SLC4A10: variants seen among roughly 807,000 people sequenced by gnomAD.
The protein encoded by SLC4A10 is sodium-driven chloride bicarbonate exchanger.
A neutral mutation model predicts 137.7 loss-of-function variants in SLC4A10; 42 were observed. That is an observed-to-expected ratio of 0.30 (90% CI 0.24 to 0.39). SLC4A10 has a LOEUF of 0.39. Ranked by LOEUF, SLC4A10 falls within the 10% of genes least tolerant of loss-of-function variation. SLC4A10 has a pLI of 1.00. For missense variants in SLC4A10, 925 were observed against 1,355.0 expected (o/e 0.68, Z 4.98); for synonymous variants, 474 against 464.1 (o/e 1.02, Z -0.27).
chr2:161,834,241 A>T (rs576327408), intron 3 of SLC4A10, among the ~76,000 whole-genome samples: 409 of 152,326 alleles, frequency 2.7e-3, no homozygotes, highest in African/African-American at 9.3e-3. Flanking sequence ...TTGAGTACAC[A>T]GCTTGCCAAG....
At chr2:161,817,405 G>A (rs986898701) in intron 3 of SLC4A10, among the ~76,000 whole-genome samples, 11 of 152,066 alleles carry the variant, frequency 7.2e-5, no homozygotes, top group South Asian at 2.1e-4. Context: ...AGTAGGTTGC[G>A]AAAATTTTCT....
At chr2:161,633,228 A>G (rs1193941658) in intron 1 of SLC4A10, among the ~76,000 whole-genome samples, 1 of 151,728 alleles carries the variant, frequency 6.6e-6, no homozygotes, top group Non-Finnish European at 1.5e-5. Flanking sequence ...TTGTAGGTTG[A>G]GAAGCATCCA....
chr2:161,727,885 AC>A (rs1230101718), intron 1 of SLC4A10, among the ~76,000 whole-genome samples: 2 of 152,194 alleles, frequency 1.3e-5, no homozygotes, highest in Non-Finnish European at 2.9e-5. Context: ...TAAAGAGCTC[AC>A]CAAATGCACA....
intron 3 of SLC4A10, among the ~76,000 whole-genome samples, chr2:161,827,727 G>C (rs550444829): frequency 6.6e-6 from 1 of 151,924 alleles, no homozygotes; most frequent in Non-Finnish European, 1.5e-5. Context: ...GCACCAGGCC[G>C]GCTAATTTTT....
chr2:161,795,522 T>G (rs1297222471), intron 2 of SLC4A10, among the ~76,000 whole-genome samples: 2 of 152,118 alleles, frequency 1.3e-5, no homozygotes, highest in South Asian at 4.1e-4. Context: ...CAAAGCTTCC[T>G]AATGCCTTTA....
chr2:161,942,539 A>G (rs1393717811), intron 15 of SLC4A10, among the ~76,000 whole-genome samples: 1 of 152,160 alleles, frequency 6.6e-6, no homozygotes, highest in African/African-American at 2.4e-5. Context: ...TTTGATTTAT[A>G]ATTTAGGGCC....
At chr2:161,703,423 C>A (rs926391780) in intron 1 of SLC4A10, among the ~76,000 whole-genome samples, 1 of 151,544 alleles carries the variant, frequency 6.6e-6, no homozygotes, top group Admixed American at 6.6e-5. Context: ...AGTTTACTAT[C>A]ATTTTAGGTG....
chr2:161,795,015 CA>C (rs1248813843), intron 2 of SLC4A10, among the ~76,000 whole-genome samples: 1 of 151,752 alleles, frequency 6.6e-6, no homozygotes, highest in Non-Finnish European at 1.5e-5. Flanking sequence ...CAATATAAGT[CA>C]ATTTTTATTG....
At chr2:161,839,749 T>C in intron 3 of SLC4A10, 40 bp from the exon 4 acceptor site, 1 of 1,609,126 alleles carries the variant, frequency 6.2e-7, no homozygotes, top group Non-Finnish European at 8.5e-7. Context: ...AGGGTCGTGG[T>C]AATACATGTT....
In SLC4A10 at chr2:161,679,061, AC is replaced by A. The variant is rs138415562; in HGVS notation, c.48+54496del. Among the ~76,000 whole-genome samples the A allele has an allele frequency of 7.0e-3, 1,066 of 152,220 alleles. 12 individuals carry two copies. Among genetic ancestry groups the A allele is most frequent in the African/African-American group, 0.025 (1,025 of 41,554 alleles). ...TTTTCCAAAGTGGTTTTATCAATTT[AC>A]TTTCTCACCAGTAATCTGTGAGAAT... On this transcript the variant is annotated intron_variant, in intron 1 of 26. Coordinates refer to ENST00000446997, the MANE Select transcript of SLC4A10 (RefSeq NM_001178015.2).
At chr2:161,736,469 TCA>T (rs1410787151) in intron 1 of SLC4A10, among the ~76,000 whole-genome samples, 1 of 152,184 alleles carries the variant, frequency 6.6e-6, no homozygotes, top group African/African-American at 2.4e-5. Flanking sequence ...CTTAATTGAC[TCA>T]CAGTTCTGCA....
chr2:161,830,309 T>C (rs1028176446), intron 3 of SLC4A10, among the ~76,000 whole-genome samples: 16 of 152,176 alleles, frequency 1.1e-4, no homozygotes, highest in Admixed American at 1.3e-4. Context: ...ACTAATACTA[T>C]TTCTTATACA....
At chr2:161,904,199 T>C in intron 13 of SLC4A10, 21 bp downstream of exon 13, 1 of 1,569,724 alleles carries the variant, frequency 6.4e-7, no homozygotes, top group Non-Finnish European at 8.6e-7. Context: ...TGCTTTTCTC[T>C]GAACTTTGAA....
chr2:161,942,736 C>A, intron 15 of SLC4A10, 56 bp from the exon 16 acceptor site: 1 of 1,338,142 alleles, frequency 7.5e-7, no homozygotes, highest in Non-Finnish European at 1.0e-6. Flanking sequence ...CATTAGTCTT[C>A]GGTACAGTCA....
chr2:161,902,259 A>G (rs949138939), intron 12 of SLC4A10: 1 of 233,470 alleles, frequency 4.3e-6, no homozygotes, highest in Non-Finnish European at 8.7e-6. Context: ...TGTATGCTCT[A>G]ATAAGTAATT....
chr2:161,792,294 A>T (rs761728118), intron 2 of SLC4A10, among the ~76,000 whole-genome samples: 26 of 152,170 alleles, frequency 1.7e-4, no homozygotes, highest in Non-Finnish European at 2.6e-4. Flanking sequence ...TATTAAGAGG[A>T]AATTTTACAG....
At chr2:161,902,375 A>G (rs1683316461) in intron 12 of SLC4A10, among the ~76,000 whole-genome samples, 3 of 152,224 alleles carry the variant, frequency 2.0e-5, no homozygotes, top group South Asian at 2.1e-4. Flanking sequence ...TAGGTGGGAT[A>G]TAAATCATAA....
chr2:161,858,890 T>C (rs1457632327), intron 5 of SLC4A10, among the ~76,000 whole-genome samples: 1 of 152,212 alleles, frequency 6.6e-6, no homozygotes, highest in Non-Finnish European at 1.5e-5. Flanking sequence ...CTGAATGTAA[T>C]CTGTAGAGTT....
At chr2:161,795,030 T>G (rs1466136794) in intron 2 of SLC4A10, among the ~76,000 whole-genome samples, 3 of 152,078 alleles carry the variant, frequency 2.0e-5, no homozygotes, top group Non-Finnish European at 4.4e-5. Flanking sequence ...TTTATTGCAA[T>G]GAATATTGAA....
Sources: allele counts gnomAD v4.1 joint callset (sites outside exome capture counted in the v4.1 genomes callset), GRCh38; gene constraint gnomAD v4.1.1; transcripts MANE v1.5; gene names NCBI Gene and HGNC (gene_info 2026-07-23, HGNC 2026-07-21).